STK38: variants seen among roughly 807,000 people sequenced by gnomAD.
STK38 encodes the protein serine/threonine-protein kinase 38.
In STK38, 26 loss-of-function variants were observed where a neutral mutation model predicts 59.0. The ratio of observed to expected loss-of-function variants is 0.44; its 90% CI spans 0.32 to 0.61. STK38 has a LOEUF of 0.61. STK38 is among the 20% of genes least tolerant of loss of function. STK38 has a pLI of 0.04. For missense variants in STK38, 433 were observed against 566.0 expected (o/e 0.76, Z 2.38); for synonymous variants, 175 against 176.6 (o/e 0.99, Z 0.07).
At chr6:36,520,739 A>C (rs972141832) in intron 5 of STK38, among the ~76,000 whole-genome samples, 29 of 152,176 alleles carry the variant, frequency 1.9e-4, no homozygotes, top group African/African-American at 6.5e-4. Flanking sequence ...TGATACTCCC[A>C]ACTGAAATTC....
intron 1 of STK38, among the ~76,000 whole-genome samples, chr6:36,544,927 A>C (rs1027217542): frequency 6.6e-6 from 1 of 152,216 alleles, no homozygotes; most frequent in African/African-American, 2.4e-5. Context: ...TTTAACCCTA[A>C]GGCAAACAGT....
At chr6:36,510,206 G>C (rs1777074374) in intron 7 of STK38, among the ~76,000 whole-genome samples, 1 of 152,212 alleles carries the variant, frequency 6.6e-6, no homozygotes, top group Non-Finnish European at 1.5e-5. Context: ...GGCATCTACA[G>C]ACCTGCACCC....
chr6:36,524,066 A>C (rs1777449285), intron 4 of STK38, among the ~76,000 whole-genome samples: 1 of 152,168 alleles, frequency 6.6e-6, no homozygotes, highest in African/African-American at 2.4e-5. Context: ...GCCTGTAAAT[A>C]ATAAATGTTG....
intron 2 of STK38, among the ~76,000 whole-genome samples, chr6:36,530,628 A>C (rs1389993871): frequency 1.4e-5 from 2 of 147,246 alleles, no homozygotes; most frequent in Non-Finnish European, 3.0e-5. Context: ...GCCTCTCAAA[A>C]AGTACAGGGA....
chr6:36,546,641 T>C (rs1778059588), intron 1 of STK38, among the ~76,000 whole-genome samples: 1 of 152,228 alleles, frequency 6.6e-6, no homozygotes, highest in Non-Finnish European at 1.5e-5. Context: ...TTCCTCTGGC[T>C]GTTGCTTTTC....
At chr6:36,527,201 A>ATATATATAT (rs1391904486) in intron 2 of STK38, among the ~76,000 whole-genome samples, 1 of 124,486 alleles carries the variant, frequency 8.0e-6, no homozygotes, top group African/African-American at 3.2e-5. Flanking sequence ...CAAAAAAAAA[A>ATATATATAT]AAAAAAATAT....
chr6:36,521,673 AAG>A, intron 5 of STK38, 59 bp downstream of exon 5: 1 of 1,305,554 alleles, frequency 7.7e-7, no homozygotes, highest in Non-Finnish European at 1.0e-6. Flanking sequence ...ATTAAACAAA[AAG>A]AAAAGTTTTA....
At chr6:36,546,028 A>C (rs1554170724) in intron 1 of STK38, among the ~76,000 whole-genome samples, 2 of 152,202 alleles carry the variant, frequency 1.3e-5, no homozygotes, top group Non-Finnish European at 2.9e-5. Flanking sequence ...ACAATCCATT[A>C]TCTTTCATTT....
chr6:36,496,737 G>A lies in STK38; in HGVS notation c.1241C>T (p.Pro414Leu). 6.2e-7 allele frequency: 1 copy of A among 1,613,250 alleles called. No homozygotes were observed. The highest frequency in any genetic ancestry group is 8.5e-7 in the Non-Finnish European group (1 of 1,179,632). The change falls in exon 13 of 14, where the codon CCA (proline) becomes CTA (leucine). Residue 414 changes from proline (P) to leucine (L), a missense_variant. This residue lies in a region of STK38 where 136 missense variants were observed against 156.7 expected (regional missense o/e 0.87). Transcript: ENST00000229812. ...TGTTGGCTTAAGAATATCAGATTCT[G>A]GAAACTCATCGAAGTTTGAGGTATC... The part of the protein sequence containing the change: ...IDDTSNFDEF[P>L]ESDILKPTVA...
intron 9 of STK38, among the ~76,000 whole-genome samples, chr6:36,501,222 G>C (rs576657918): frequency 6.6e-6 from 1 of 152,062 alleles, no homozygotes; most frequent in East Asian, 1.9e-4. Context: ...CAAAGTGCTG[G>C]GATTACAGGT....
intron 11 of STK38, 93 bp downstream of exon 11, chr6:36,498,266 CAGAA>C: frequency 6.8e-7 from 1 of 1,477,326 alleles, no homozygotes; most frequent in South Asian, 1.3e-5. Flanking sequence ...TAGGAGGAAA[CAGAA>C]AGCAGATTCA....
At position 36,506,489 on chromosome 6, in the gene STK38, T is replaced by G. The variant is rs1654112915; in HGVS notation, c.834+94A>C. ...GTAATCTTAAAAGCAAGGGATATGT[T>G]GCAAATATTTGTCAAATGCAAATTT... On this transcript the variant is annotated intron_variant, in intron 9 of 13. Transcript: ENST00000229812. 5.4e-6 allele frequency: 7 copies of G among 1,308,024 alleles called. No homozygotes were observed. The Middle Eastern group carries it at 7.7e-4, about 145-fold the overall frequency. The allele number at this position is 1,308,024 out of a possible 1,614,324, so 81.0% of individuals were successfully genotyped here. A position where few individuals can be genotyped will look rare whatever the true frequency, so the allele number is the denominator to read the frequency against.
chr6:36,539,973 T>A (rs1777892504), intron 2 of STK38, 99 bp downstream of exon 2: 1 of 1,543,716 alleles, frequency 6.5e-7, no homozygotes, highest in Admixed American at 1.8e-5. Context: ...ATAATAAGGC[T>A]GCTACTATTC....
At position 36,517,827 on chromosome 6, in the gene STK38, C is replaced by T. The variant is rs1156922371; in HGVS notation, c.404G>A (p.Arg135His). The T allele has an allele frequency of 1.9e-6, 3 of 1,613,832 alleles. No homozygotes were observed. Among genetic ancestry groups the T allele is most frequent in the Admixed American group, 1.7e-5 (1 of 59,956 alleles). The change falls in exon 6 of 14, where the codon CGT (arginine) becomes CAT (histidine). Residue 135 changes from arginine (R) to histidine (H), a missense_variant. Arg to His is a conservative substitution (Grantham distance 29). Transcript: ENST00000229812. ...CTCCACTAGAATGTCACGCTCCGCACGAATGTGGCCAACCTGGAGGTATAT... is the reference window on the plus strand; with the variant it reads ...CTCCACTAGAATGTCACGCTCCGCATGAATGTGGCCAACCTGGAGGTATAT... ...MLEKEQVGHI[R>H]AERDILVEAD... is the part of the protein sequence containing the mutation.
At chr6:36,539,957 T>TA (rs1777891860) in intron 2 of STK38, 115 bp downstream of exon 2, 1 of 1,488,648 alleles carries the variant, frequency 6.7e-7, no homozygotes, top group Admixed American at 2.0e-5. Context: ...TCCATTATGA[T>TA]AGTCTATAAT....
rs373636539 is a variant in STK38 at position 36,507,537 on chromosome 6, A to G, written c.735T>C (p.Phe245=). 2.5e-6 allele frequency: 4 copies of G among 1,614,004 alleles called. No individual in the cohort carries two copies. Among genetic ancestry groups the G allele is most frequent in the Non-Finnish European group, 2.5e-6 (3 of 1,180,024 alleles). The change falls in exon 8 of 14, where the codon TTT becomes TTC. Residue 245 remains phenylalanine (F), a synonymous_variant. Transcript: ENST00000229812. ...GGAGGCTGTGGTTCAGATTCCTATA[A>G]AATTCTGTCCTATGTGCTTTTTTCA... The part of the protein sequence containing the change: ...TGLKKAHRTE[F]YRNLNHSLPS...
At chr6:36,545,461 T>A (rs1480346391) in intron 1 of STK38, among the ~76,000 whole-genome samples, 1 of 152,116 alleles carries the variant, frequency 6.6e-6, no homozygotes, top group Admixed American at 6.6e-5. Context: ...GACCAACAAA[T>A]TCTTAAGCAG....
At chr6:36,543,616 C>CA (rs1224782048) in intron 1 of STK38, among the ~76,000 whole-genome samples, 1 of 151,674 alleles carries the variant, frequency 6.6e-6, no homozygotes, top group Non-Finnish European at 1.5e-5. Context: ...ACAGCTGCAG[C>CA]AAAAAAGAAT....
At chr6:36,540,478 G>C (rs1337825529) in intron 1 of STK38, among the ~76,000 whole-genome samples, 1 of 152,210 alleles carries the variant, frequency 6.6e-6, no homozygotes, top group Non-Finnish European at 1.5e-5. Flanking sequence ...TCAGCACAGA[G>C]AGGATGTTCA....
Sources: gnomAD v4.1 joint callset for allele counts (sites outside exome capture counted in the v4.1 genomes callset) on GRCh38, gnomAD v4.1.1 for gene constraint, gnomAD v4.1.1 regional missense constraint, MANE v1.5 for transcripts, NCBI Gene and HGNC (gene_info 2026-07-23, HGNC 2026-07-21) for gene names.